ST8SIA2: variants seen among roughly 807,000 people sequenced by gnomAD.
ST8SIA2 encodes the protein ST8 alpha-N-acetyl-neuraminide alpha-2,8-sialyltransferase 2, also known as alpha-2,8-sialyltransferase 8B.
In ST8SIA2, 22 loss-of-function variants were observed where a neutral mutation model predicts 37.6. The observed-to-expected ratio is 0.58, with a 90% CI of 0.42 to 0.83. The LOEUF (loss-of-function observed/expected upper bound fraction) is 0.83. ST8SIA2 is among the 40% of genes least tolerant of loss of function. The pLI, the probability that ST8SIA2 is intolerant of heterozygous loss-of-function variation, is 0.00. For missense variants in ST8SIA2, 382 were observed against 484.7 expected (o/e 0.79, Z 1.99); for synonymous variants, 205 against 201.2 (o/e 1.02, Z -0.16).
intron 1 of ST8SIA2, among the ~76,000 whole-genome samples, chr15:92,409,946 G>A (rs899334736): frequency 6.6e-6 from 1 of 152,272 alleles, no homozygotes; most frequent in African/African-American, 2.4e-5. Flanking sequence ...TGCTCATGGA[G>A]TTTGTGATCT....
At position 92,464,557 on chromosome 15, in the gene ST8SIA2, T is replaced by C; in HGVS notation, c.*172T>C. 2 of 709,970 alleles carry C rather than the reference T, an allele frequency of 2.8e-6. No individual in the cohort carries two copies. The highest frequency in any genetic ancestry group is 1.8e-5 in the South Asian group (1 of 55,892). The allele number at this position is 709,970 out of a possible 1,614,324, so 44.0% of individuals were successfully genotyped here. A position where few individuals can be genotyped will look rare whatever the true frequency, so the allele number is the denominator to read the frequency against. ...CTATACCTGCATATATATATTGACC[T>C]GAGTATTTATAACTGTGTGGTGTTC... On this transcript the variant is annotated 3_prime_UTR_variant, in exon 6 of 6. Coordinates refer to ENST00000268164, the MANE Select transcript of ST8SIA2 (RefSeq NM_006011.4).
intron 1 of ST8SIA2, among the ~76,000 whole-genome samples, chr15:92,419,611 C>T (rs1025043527): frequency 6.6e-6 from 1 of 152,062 alleles, no homozygotes; most frequent in Non-Finnish European, 1.5e-5. Flanking sequence ...TCCAGGACGC[C>T]GAGGCAGGGT....
chr15:92,467,951 G>A lies in ST8SIA2; in HGVS notation c.*3566G>A, dbSNP rs2050004522. 1 of 152,330 alleles carries A rather than the reference G, an allele frequency of 6.6e-6. No homozygotes were observed. Among genetic ancestry groups the A allele is most frequent in the South Asian group, 2.1e-4 (1 of 4,816 alleles). The allele number at this position is 152,330 out of a possible 1,614,324, so 9.4% of individuals were successfully genotyped here. A position where few individuals can be genotyped will look rare whatever the true frequency, so the allele number is the denominator to read the frequency against. ...ATCAACTCAACAAGTCAGAAGCCAA[G>A]TGGATCATCTGTGTCCCCTTCCCCC... On this transcript the variant is annotated 3_prime_UTR_variant, in exon 6 of 6. Transcript: ENST00000268164.
At chr15:92,463,851 T>C (rs907165464) in intron 5 of ST8SIA2, among the ~76,000 whole-genome samples, 4 of 152,142 alleles carry the variant, frequency 2.6e-5, no homozygotes, top group Non-Finnish European at 4.4e-5. Flanking sequence ...TCTGCATCTG[T>C]ACCCACAACA....
chr15:92,415,186 T>C (rs1363310514), intron 1 of ST8SIA2, among the ~76,000 whole-genome samples: 1 of 152,076 alleles, frequency 6.6e-6, no homozygotes, highest in Non-Finnish European at 1.5e-5. Flanking sequence ...ACTCCTGAAT[T>C]TCCTTCTCCT....
chr15:92,410,095 G>C (rs527972877), intron 1 of ST8SIA2, among the ~76,000 whole-genome samples: 1 of 152,226 alleles, frequency 6.6e-6, no homozygotes, highest in Non-Finnish European at 1.5e-5. Flanking sequence ...CTCAGTTTTC[G>C]CATTTATAAA....
intron 1 of ST8SIA2, among the ~76,000 whole-genome samples, chr15:92,395,438 G>T (rs1220819525): frequency 6.6e-6 from 1 of 152,162 alleles, no homozygotes; most frequent in African/African-American, 2.4e-5. Flanking sequence ...GACAAGTGCC[G>T]CTTCCTGCTC....
Position 92,399,683 on chromosome 15 carries a change from GA to G in ST8SIA2, c.98+5524del, listed in dbSNP as rs1366084542. On this transcript the variant is annotated intron_variant, in intron 1 of 5. Coordinates refer to ENST00000268164, the MANE Select transcript of ST8SIA2 (RefSeq NM_006011.4). ...CATGATTGGAAGATAAAATAGGAGA[GA>G]AAGATCTGGTTTTAACTCACTTGCT... Among the ~76,000 whole-genome samples the G allele has an allele frequency of 5.3e-5, 8 of 152,292 alleles. No individual in the cohort carries two copies. In the East Asian group the frequency reaches 1.5e-3, roughly 29 times the overall value.
intron 1 of ST8SIA2, among the ~76,000 whole-genome samples, chr15:92,428,116 T>C (rs899907788): frequency 8.5e-5 from 13 of 152,256 alleles, no homozygotes; most frequent in African/African-American, 3.1e-4. Context: ...AATATTCTTG[T>C]GTTAATGGTA....
intron 5 of ST8SIA2, among the ~76,000 whole-genome samples, chr15:92,458,503 T>C (rs1469791745): frequency 2.0e-5 from 3 of 152,144 alleles, no homozygotes; most frequent in Admixed American, 2.0e-4. Context: ...GGGTGTAAGG[T>C]GTGGTCCCTG....
At position 92,428,632 on chromosome 15, in the gene ST8SIA2, T is replaced by C. The variant is rs149332962; in HGVS notation, c.99-1417T>C. Among the ~76,000 whole-genome samples, 746 of 152,150 alleles carry C rather than the reference T, an allele frequency of 4.9e-3. 4 individuals are homozygous for C. Among genetic ancestry groups the C allele is most frequent in the Middle Eastern group, 0.027 (8 of 294 alleles). On this transcript the variant is annotated intron_variant, in intron 1 of 5. Coordinates refer to ENST00000268164, the MANE Select transcript of ST8SIA2 (RefSeq NM_006011.4). ...GACCCGACATTCCCGGACCCCAACA[T>C]GGAAGTACAAGAACACTGTTATCCC...
intron 5 of ST8SIA2, among the ~76,000 whole-genome samples, chr15:92,461,511 G>A (rs984387876): frequency 1.3e-5 from 2 of 152,180 alleles, no homozygotes; most frequent in African/African-American, 2.4e-5. Flanking sequence ...AGCCCCTGGC[G>A]CACAGGTCTC....
chr15:92,402,817 G>A (rs1021181779), intron 1 of ST8SIA2, among the ~76,000 whole-genome samples: 4 of 151,958 alleles, frequency 2.6e-5, no homozygotes, highest in Admixed American at 6.6e-5. Context: ...GAATGGCTCC[G>A]GAGCATGGCA....
chr15:92,393,921 C>A lies in ST8SIA2; in HGVS notation c.-144C>A. The A allele has an allele frequency of 3.2e-6, 1 of 308,432 alleles. No homozygotes were observed. The highest frequency in any genetic ancestry group is 5.4e-6 in the Non-Finnish European group (1 of 185,572). The allele number at this position is 308,432 out of a possible 1,614,324, so 19.1% of individuals were successfully genotyped here. ...GTCGCTGCCGCTGCCGCTGCCGCTG[C>A]CGCCGCCGGCCCGGACTCGTCCGGA... On this transcript the variant is annotated 5_prime_UTR_variant, in exon 1 of 6. Transcript: ENST00000268164.
At position 92,408,154 on chromosome 15, in the gene ST8SIA2, T is replaced by C. The variant is rs2049521666; in HGVS notation, c.98+13992T>C. 2.0e-5 allele frequency among the ~76,000 whole-genome samples: 3 copies of C among 152,070 alleles called. No individual in the cohort carries two copies. The South Asian group carries it at 6.2e-4, about 32-fold the overall frequency. On this transcript the variant is annotated intron_variant, in intron 1 of 5. Transcript: ENST00000268164. The stretch of plus-strand genomic sequence containing the variant: ...GGCCCAGCACACAACAAAAGAATCC[T>C]TGAATAAAACAACCTTATGAATGAT...
chr15:92,450,176 A>G (rs1413841813), intron 5 of ST8SIA2, among the ~76,000 whole-genome samples: 2 of 152,244 alleles, frequency 1.3e-5, no homozygotes, highest in Non-Finnish European at 2.9e-5. Context: ...TAATTAGAGA[A>G]AAGATTTACA....
chr15:92,418,486 CT>C (rs2049605733), intron 1 of ST8SIA2, among the ~76,000 whole-genome samples: 1 of 140,718 alleles, frequency 7.1e-6, no homozygotes, highest in South Asian at 2.3e-4. Context: ...AAAAAAAAGG[CT>C]TCGGTAGAGT....
intron 1 of ST8SIA2, among the ~76,000 whole-genome samples, chr15:92,419,381 C>T (rs2049614040): frequency 6.6e-6 from 1 of 152,178 alleles, no homozygotes; most frequent in African/African-American, 2.4e-5. Flanking sequence ...ATCCTGTTTT[C>T]TACAGGAGAG....
At chr15:92,411,622 G>A (rs2049549936) in intron 1 of ST8SIA2, among the ~76,000 whole-genome samples, 1 of 152,142 alleles carries the variant, frequency 6.6e-6, no homozygotes, top group African/African-American at 2.4e-5. Context: ...CCACTTACTG[G>A]AGCAACTAGG....
Sources: gnomAD v4.1 joint callset for allele counts (sites outside exome capture counted in the v4.1 genomes callset) on GRCh38, gnomAD v4.1.1 for gene constraint, MANE v1.5 for transcripts, NCBI Gene and HGNC (gene_info 2026-07-23, HGNC 2026-07-21) for gene names.